Variants in SPDYA observed in about 807,000 individuals in gnomAD.
The protein encoded by SPDYA is speedy/RINGO cell cycle regulator family member A, also known as speedy protein A.
In SPDYA, 11 loss-of-function variants were observed where a neutral mutation model predicts 36.7. That is an observed-to-expected ratio of 0.30 (90% CI 0.19 to 0.50). SPDYA has a LOEUF of 0.50. Ranked by LOEUF, SPDYA falls within the 20% of genes least tolerant of loss-of-function variation. The pLI is 0.98. For synonymous variants in SPDYA, 115 were observed against 118.7 expected, an observed-to-expected ratio of 0.97 and a Z score of 0.20; for missense variants, 287 against 370.9, an observed-to-expected ratio of 0.77 and a Z score of 1.86.
intron 6 of SPDYA, 121 bp from the exon 7 acceptor site, chr2:28,840,051 C>A: frequency 1.1e-6 from 1 of 899,210 alleles, no homozygotes; most frequent in Non-Finnish European, 1.6e-6. Context: ...TTTTTTAAAT[C>A]AGCAATTTGG....
At chr2:28,822,291 CATTA>C in intron 4 of SPDYA, 30 bp from the exon 5 acceptor site, 1 of 1,045,916 alleles carries the variant, frequency 9.6e-7, no homozygotes, top group Non-Finnish European at 1.4e-6. Flanking sequence ...GAAAGCAAAA[CATTA>C]ATATTAATTT....
At chr2:28,843,673 C>T (rs180720547) in intron 7 of SPDYA, among the ~76,000 whole-genome samples, 15 of 151,724 alleles carry the variant, frequency 9.9e-5, no homozygotes, top group African/African-American at 3.6e-4. Flanking sequence ...GATACTTAAT[C>T]TCATTTAACA....
chr2:28,844,704 C>T (rs531981539), intron 7 of SPDYA, among the ~76,000 whole-genome samples: 6 of 152,128 alleles, frequency 3.9e-5, no homozygotes, highest in South Asian at 2.1e-4. Context: ...GAGGCCGAGG[C>T]GGGTGGATCA....
At chr2:28,816,768 G>A (rs1667992656) in intron 3 of SPDYA, among the ~76,000 whole-genome samples, 1 of 152,094 alleles carries the variant, frequency 6.6e-6, no homozygotes, top group African/African-American at 2.4e-5. Flanking sequence ...ATTTGTTTAG[G>A]TTATGAGACA....
At chr2:28,815,744 C>T (rs1667968449) in intron 2 of SPDYA, among the ~76,000 whole-genome samples, 1 of 152,258 alleles carries the variant, frequency 6.6e-6, no homozygotes, top group African/African-American at 2.4e-5. Flanking sequence ...TCGAGTTCTG[C>T]AGCCAAAGCA....
chr2:28,835,378 C>T (rs1668569704), intron 6 of SPDYA, among the ~76,000 whole-genome samples: 1 of 152,174 alleles, frequency 6.6e-6, no homozygotes, highest in Middle Eastern at 3.2e-3. Context: ...GCTGGGATTA[C>T]AGGCATGCGC....
intron 5 of SPDYA, among the ~76,000 whole-genome samples, chr2:28,825,139 G>C (rs1668285794): frequency 6.6e-6 from 1 of 151,900 alleles, no homozygotes; most frequent in Admixed American, 6.6e-5. Flanking sequence ...ACTCAGGAGT[G>C]GTTATCAATG....
chr2:28,834,081 A>AACACACAC lies in SPDYA; in HGVS notation c.552+4789_552+4796dup, dbSNP rs56865803. Among the ~76,000 whole-genome samples the AACACACAC allele has an allele frequency of 8.4e-3, 1,232 of 146,946 alleles. 11 individuals are homozygous for AACACACAC. The highest frequency in any genetic ancestry group is 0.015 in the African/African-American group (614 of 39,956). On this transcript the variant is annotated intron_variant, in intron 6 of 7. Coordinates refer to ENST00000334056, the MANE Select transcript of SPDYA (RefSeq NM_182756.4). ...CCAAAGAAGGTATGCAAATTGCTAA[A>AACACACAC]ACACACACACACACACACACACACA... is the stretch of plus-strand genomic sequence containing the variant.
At chr2:28,829,035 A>G in intron 5 of SPDYA, 113 bp from the exon 6 acceptor site, 1 of 805,600 alleles carries the variant, frequency 1.2e-6, no homozygotes, top group South Asian at 2.3e-5. Flanking sequence ...TTCTTTAATT[A>G]ACGTTGAACA....
intron 1 of SPDYA, among the ~76,000 whole-genome samples, chr2:28,813,636 C>T (rs1365297235): frequency 6.6e-6 from 1 of 151,670 alleles, no homozygotes; most frequent in African/African-American, 2.4e-5. Context: ...ACTGCAACCT[C>T]CGCCTCCCGG....
At chr2:28,818,914 C>T (rs900193252) in intron 3 of SPDYA, 134 bp from the exon 4 acceptor site, 3 of 649,362 alleles carry the variant, frequency 4.6e-6, no homozygotes, top group African/African-American at 3.6e-5. Flanking sequence ...GAAAACTCCA[C>T]CTTAGGCAAC....
intron 4 of SPDYA, 66 bp from the exon 5 acceptor site, chr2:28,822,259 A>G (rs1668187646): frequency 1.5e-6 from 1 of 681,108 alleles, no homozygotes; most frequent in Admixed American, 3.3e-5. Flanking sequence ...AAAGTTAACT[A>G]TTTTAAAGCA....
Position 28,819,849 on chromosome 2 carries a change from AATATATATATATAT to A in SPDYA, c.294+784_294+797del, listed in dbSNP as rs200009876. ...AAAAAAAAAAAAAAAAAAAAAAAAA[AATATATATATATAT>A]ATATATATATATATATATATATATA... On this transcript the variant is annotated intron_variant, in intron 4 of 7. Coordinates refer to ENST00000334056, the MANE Select transcript of SPDYA (RefSeq NM_182756.4). 6.9e-3 allele frequency among the ~76,000 whole-genome samples: 123 copies of A among 17,788 alleles called. 1 individual carries two copies. Among genetic ancestry groups the A allele is most frequent in the East Asian group, 0.022 (7 of 318 alleles). The allele number at this position is 17,788 out of a possible 152,430, so 11.7% of individuals were successfully genotyped here.
At chr2:28,839,714 G>A (rs1249522390) in intron 6 of SPDYA, among the ~76,000 whole-genome samples, 1 of 152,154 alleles carries the variant, frequency 6.6e-6, no homozygotes, top group African/African-American at 2.4e-5. Context: ...GTGTTAGACA[G>A]GATGGTCTTG....
At chr2:28,827,113 G>C (rs1407226403) in intron 5 of SPDYA, among the ~76,000 whole-genome samples, 2 of 151,538 alleles carry the variant, frequency 1.3e-5, no homozygotes, top group Non-Finnish European at 2.9e-5. Flanking sequence ...TAATTTGTTT[G>C]TATTTTTTAG....
chr2:28,821,095 AACAATT>A (rs1668143854), intron 4 of SPDYA, among the ~76,000 whole-genome samples: 2 of 152,176 alleles, frequency 1.3e-5, no homozygotes, highest in Admixed American at 6.5e-5. Flanking sequence ...GCTGTTTTAA[AACAATT>A]ACAATGTCAT....
chr2:28,823,484 C>A (rs955214527), intron 5 of SPDYA, among the ~76,000 whole-genome samples: 2 of 150,520 alleles, frequency 1.3e-5, no homozygotes, highest in African/African-American at 4.9e-5. Context: ...GTTAGCTGGG[C>A]GTGGTGGTGG....
At chr2:28,822,221 TG>T (rs1454979815) in intron 4 of SPDYA, 103 bp from the exon 5 acceptor site, 2 of 497,092 alleles carry the variant, frequency 4.0e-6, no homozygotes, top group African/African-American at 2.0e-5. Context: ...AACACTTTAT[TG>T]TTTTAGCTTA....
chr2:28,825,053 A>C (rs1668284344), intron 5 of SPDYA, among the ~76,000 whole-genome samples: 1 of 152,204 alleles, frequency 6.6e-6, no homozygotes, highest in Non-Finnish European at 1.5e-5. Context: ...CCCATTTTAC[A>C]GATGAGGAAA....
Sources: gnomAD v4.1 joint callset for allele counts (sites outside exome capture counted in the v4.1 genomes callset) on GRCh38, gnomAD v4.1.1 for gene constraint, MANE v1.5 for transcripts, NCBI Gene and HGNC (gene_info 2026-07-23, HGNC 2026-07-21) for gene names.